FAM185A: variants seen among roughly 807,000 people sequenced by gnomAD.
The protein encoded by FAM185A is family with sequence similarity 185 member A.
In FAM185A, 21 loss-of-function variants were observed where a neutral mutation model predicts 45.7. The observed-to-expected ratio is 0.46, with a 90% CI of 0.33 to 0.66. The LOEUF (loss-of-function observed/expected upper bound fraction) is 0.66. Among genes scored for constraint, FAM185A ranks in the 30% least tolerant of loss-of-function variants. The probability of loss-of-function intolerance (pLI) is 0.03; values close to 1 mark genes in which losing one functional copy is unlikely to be tolerated. For synonymous variants in FAM185A, 117 were observed against 194.0 expected (o/e 0.60, Z 3.30); for missense variants, 305 against 485.4 (o/e 0.63, Z 3.49).
intron 6 of FAM185A, among the ~76,000 whole-genome samples, chr7:102,783,088 A>G (rs1402785663): frequency 3.9e-5 from 6 of 152,070 alleles, no homozygotes; most frequent in Non-Finnish European, 8.8e-5. Context: ...TCAATTCAAC[A>G]AGAAGAGATA....
downstream of FAM185A, among the ~76,000 whole-genome samples, chr7:102,811,129 A>T (rs1299366780): frequency 6.6e-6 from 1 of 152,186 alleles, no homozygotes; most frequent in South Asian, 2.1e-4. Flanking sequence ...TTTCACCCTC[A>T]TGCAATTACA....
intron 6 of FAM185A, among the ~76,000 whole-genome samples, chr7:102,778,101 T>C (rs1299973697): frequency 6.6e-6 from 1 of 152,262 alleles, no homozygotes; most frequent in African/African-American, 2.4e-5. Flanking sequence ...CTCTTGCATG[T>C]TGGCCAGATG....
At chr7:102,749,697 G>A (rs1347092856) in intron 1 of FAM185A, 39 bp downstream of exon 1, 4 of 1,488,144 alleles carry the variant, frequency 2.7e-6, no homozygotes, top group Non-Finnish European at 3.6e-6. Context: ...GGGTCCCAGG[G>A]AACGCACAGT....
chr7:102,834,102 G>GA, the FAM185A span, among the ~76,000 whole-genome samples: 1,277 of 101,972 alleles, frequency 0.013, 44 homozygotes, highest in East Asian at 0.034. Context: ...AAGAAAGAAA[G>GA]AAAGAAAGAA....
chr7:102,840,677 C>T, the FAM185A span, among the ~76,000 whole-genome samples: 5 of 152,162 alleles, frequency 3.3e-5, no homozygotes, highest in Admixed American at 6.5e-5. Flanking sequence ...CTCCCATTTG[C>T]GGACATAATA....
chr7:102,822,102 G>A, the FAM185A span: 10,803 of 1,614,192 alleles, frequency 6.7e-3, 560 homozygotes, highest in Admixed American at 0.1. Flanking sequence ...CTATCTGAAG[G>A]TCCTCAAGGA....
At chr7:102,835,306 G>A in the FAM185A span, among the ~76,000 whole-genome samples, 1 of 115,248 alleles carries the variant, frequency 8.7e-6, no homozygotes, top group African/African-American at 3.2e-5. Flanking sequence ...CCTGTCACTG[G>A]AGATAATCAA....
the FAM185A span, among the ~76,000 whole-genome samples, chr7:102,844,548 AAC>A: frequency 1.3e-5 from 2 of 152,168 alleles, no homozygotes; most frequent in African/African-American, 2.4e-5. Context: ...GCTTAGAGGA[AAC>A]ACAGACAAAA....
At chr7:102,798,870 C>T (rs1287873759) in intron 7 of FAM185A, among the ~76,000 whole-genome samples, 3 of 151,920 alleles carry the variant, frequency 2.0e-5, no homozygotes, top group Non-Finnish European at 4.4e-5. Flanking sequence ...GCCTCAGCCT[C>T]CCAAGTAGCT....
Position 102,761,795 on chromosome 7 carries a change from CTGGGACTACAGG to C in FAM185A, c.793+387_793+398del, listed in dbSNP as rs1186520231. The stretch of plus-strand genomic sequence containing the variant: ...TCTCCCACCCCAACCTCCCGAGAAG[CTGGGACTACAGG>C]TGTGCGCTATCACGCTAGGCTAATT... On this transcript the variant is annotated intron_variant, in intron 4 of 7. Coordinates refer to ENST00000413034, the MANE Select transcript of FAM185A (RefSeq NM_001145268.2). Among the ~76,000 whole-genome samples the C allele has an allele frequency of 7.2e-5, 11 of 152,102 alleles. No individual in the cohort carries two copies. The East Asian group carries it at 2.1e-3, about 29-fold the overall frequency.
downstream of FAM185A, among the ~76,000 whole-genome samples, chr7:102,812,884 C>T (rs10248082): frequency 8.3e-3 from 1,227 of 148,110 alleles, 22 homozygotes; most frequent in African/African-American, 0.029. Flanking sequence ...GCTCTGTCGC[C>T]GAGGCTGGAA....
chr7:102,785,038 AACAG>A (rs1396460409), intron 6 of FAM185A, among the ~76,000 whole-genome samples: 2 of 146,644 alleles, frequency 1.4e-5, no homozygotes, highest in South Asian at 2.1e-4. Flanking sequence ...ATATACCGAT[AACAG>A]ACAGAGAGCT....
chr7:102,823,911 G>T, the FAM185A span, among the ~76,000 whole-genome samples: 1 of 152,046 alleles, frequency 6.6e-6, no homozygotes, highest in African/African-American at 2.4e-5. Context: ...AGACATTCCT[G>T]CCATACTAGG....
the FAM185A span, among the ~76,000 whole-genome samples, chr7:102,827,657 G>A: frequency 1.1e-4 from 17 of 151,856 alleles, no homozygotes; most frequent in Non-Finnish European, 2.1e-4. Flanking sequence ...GGTATATCTC[G>A]TAATGCTATT....
intron 7 of FAM185A, among the ~76,000 whole-genome samples, chr7:102,799,130 T>G (rs1224740344): frequency 6.6e-6 from 1 of 152,170 alleles, no homozygotes; most frequent in Non-Finnish European, 1.5e-5. Context: ...AATCACGACC[T>G]ACCAAATGCA....
intron 5 of FAM185A, among the ~76,000 whole-genome samples, chr7:102,775,623 G>T (rs1795011813): frequency 6.6e-6 from 1 of 152,130 alleles, no homozygotes; most frequent in African/African-American, 2.4e-5. Context: ...AAAAATAAAT[G>T]AAAGTATTAT....
the FAM185A span, among the ~76,000 whole-genome samples, chr7:102,833,832 CT>C: frequency 6.6e-6 from 1 of 151,856 alleles, no homozygotes; most frequent in Admixed American, 6.6e-5. Context: ...AAATCATTCC[CT>C]TTATATCAAT....
intron 6 of FAM185A, among the ~76,000 whole-genome samples, chr7:102,780,139 A>G (rs577823649): frequency 2.6e-4 from 39 of 152,182 alleles, no homozygotes; most frequent in Non-Finnish European, 5.0e-4. Context: ...CCAAGAAATT[A>G]CTTAAGGAAG....
intron 7 of FAM185A, among the ~76,000 whole-genome samples, chr7:102,801,274 T>C (rs1796773929): frequency 6.6e-6 from 1 of 151,884 alleles, no homozygotes; most frequent in African/African-American, 2.4e-5. Context: ...ACAGAACCTC[T>C]TTAAGACATA....
Sources: gnomAD v4.1 joint callset for allele counts (sites outside exome capture counted in the v4.1 genomes callset) on GRCh38, gnomAD v4.1.1 for gene constraint, MANE v1.5 for transcripts, NCBI Gene and HGNC (gene_info 2026-07-23, HGNC 2026-07-21) for gene names.